Variants in PACRG observed in about 807,000 individuals in gnomAD.
The protein encoded by PACRG is parkin coregulated, also known as parkin coregulated gene protein.
PACRG carries 29 observed loss-of-function variants against 29.7 expected under a neutral mutation model. The ratio of observed to expected loss-of-function variants is 0.98; its 90% CI spans 0.73 to 1.33. The LOEUF (loss-of-function observed/expected upper bound fraction) is 1.33, where lower values mean the gene tolerates loss of function less well. Ranked by LOEUF, PACRG falls within the 40% of genes most tolerant of loss-of-function variation. The pLI, the probability that PACRG is intolerant of heterozygous loss-of-function variation, is 0.00. For missense variants in PACRG, 279 were observed against 316.2 expected, an observed-to-expected ratio of 0.88 and a Z score of 0.89; for synonymous variants, 116 against 118.7, an observed-to-expected ratio of 0.98 and a Z score of 0.15.
intron 2 of PACRG, among the ~76,000 whole-genome samples, chr6:162,838,799 G>C (rs1426999223): frequency 1.5e-5 from 2 of 133,206 alleles, no homozygotes; most frequent in African/African-American, 2.9e-5. Context: ...GTGTCCATGT[G>C]ATCTCATTGT....
chr6:162,989,451 A>G (rs915356099), intron 2 of PACRG, among the ~76,000 whole-genome samples: 1 of 152,188 alleles, frequency 6.6e-6, no homozygotes, highest in East Asian at 1.9e-4. Context: ...CAAGTACCTG[A>G]CATGAAATGA....
At position 163,074,561 on chromosome 6, in the gene PACRG, T is replaced by G. The variant is rs944562378; in HGVS notation, c.463+12240T>G. Among the ~76,000 whole-genome samples, 5 of 152,176 alleles carry G rather than the reference T, an allele frequency of 3.3e-5. No homozygotes were observed. In the East Asian group the frequency reaches 9.6e-4, roughly 29 times the overall value. The stretch of plus-strand genomic sequence containing the variant: ...TTTTAAATAACTAAAAGAGCATAAT[T>G]GGATTATTAGTAACATAAAGAATAA... On this transcript the variant is annotated intron_variant, in intron 3 of 4. Transcript: ENST00000366888.
intron 4 of PACRG, among the ~76,000 whole-genome samples, chr6:163,092,110 T>C (rs947925540): frequency 6.6e-6 from 1 of 152,170 alleles, no homozygotes; most frequent in African/African-American, 2.4e-5. Flanking sequence ...CAGATACAAA[T>C]GACAAAAAAG....
At chr6:162,875,715 T>A (rs1793284384) in intron 2 of PACRG, among the ~76,000 whole-genome samples, 1 of 152,242 alleles carries the variant, frequency 6.6e-6, no homozygotes, top group African/African-American at 2.4e-5. Flanking sequence ...ATTGTGTCCT[T>A]GACTTGGGGT....
At chr6:163,215,970 A>AGG (rs1277215812) in intron 4 of PACRG, among the ~76,000 whole-genome samples, 1 of 152,224 alleles carries the variant, frequency 6.6e-6, no homozygotes, top group Non-Finnish European at 1.5e-5. Flanking sequence ...TGTAAAGTGC[A>AGG]CTGAAGGTCA....
chr6:162,830,509 A>G (rs1435954468), intron 2 of PACRG, among the ~76,000 whole-genome samples: 1 of 152,168 alleles, frequency 6.6e-6, no homozygotes, highest in Non-Finnish European at 1.5e-5. Flanking sequence ...CATCCTTGGC[A>G]CCCATTCTCA....
At chr6:163,215,441 T>C (rs1040975069) in intron 4 of PACRG, among the ~76,000 whole-genome samples, 4 of 152,238 alleles carry the variant, frequency 2.6e-5, no homozygotes, top group Non-Finnish European at 5.9e-5. Flanking sequence ...GGAGTCAATT[T>C]AGTAGATTCC....
chr6:162,740,265 T>C (rs1780474886), intron 1 of PACRG, among the ~76,000 whole-genome samples: 1 of 152,162 alleles, frequency 6.6e-6, no homozygotes. Flanking sequence ...TCCTTGGAGA[T>C]TTTAACTAGA....
At chr6:163,082,083 G>A (rs1391663897) in intron 3 of PACRG, among the ~76,000 whole-genome samples, 1 of 152,102 alleles carries the variant, frequency 6.6e-6, no homozygotes, top group Non-Finnish European at 1.5e-5. Flanking sequence ...GTATATAAAA[G>A]TCATATACTT....
chr6:162,949,082 C>A (rs1157564289), intron 2 of PACRG, among the ~76,000 whole-genome samples: 1 of 152,052 alleles, frequency 6.6e-6, no homozygotes, highest in African/African-American at 2.4e-5. Flanking sequence ...CTCACAACAG[C>A]TATGAATCAG....
At chr6:163,166,889 G>A (rs948431319) in intron 4 of PACRG, among the ~76,000 whole-genome samples, 1 of 152,136 alleles carries the variant, frequency 6.6e-6, no homozygotes, top group African/African-American at 2.4e-5. Flanking sequence ...TGCAAACCTA[G>A]TCCACCGTAA....
intron 2 of PACRG, among the ~76,000 whole-genome samples, chr6:162,914,597 T>G (rs1266275348): frequency 7.3e-6 from 1 of 137,122 alleles, no homozygotes; most frequent in Non-Finnish European, 1.6e-5. Context: ...TGCCCATTTT[T>G]ACCAAAAAAA....
intron 4 of PACRG, among the ~76,000 whole-genome samples, chr6:163,236,838 G>A (rs1782258494): frequency 6.6e-6 from 1 of 152,134 alleles, no homozygotes; most frequent in African/African-American, 2.4e-5. Context: ...GCATGGCTGG[G>A]GAGGCCTCAG....
chr6:162,754,505 C>T lies in PACRG; in HGVS notation c.156+26114C>T, dbSNP rs1781746352. On this transcript the variant is annotated intron_variant, in intron 1 of 4. Transcript: ENST00000366888. ...GTCTATTTTGCTTTTCCTTTTATTG[C>T]CTGTGCTTTTGGAGTTATATCCAAA... Among the ~76,000 whole-genome samples, 3 of 152,066 alleles carry T rather than the reference C, an allele frequency of 2.0e-5. No homozygotes were observed. In the South Asian group the frequency reaches 6.2e-4, roughly 32 times the overall value.
chr6:163,289,848 T>A (rs1416660097), intron 4 of PACRG, among the ~76,000 whole-genome samples: 1 of 151,934 alleles, frequency 6.6e-6, no homozygotes, highest in Admixed American at 6.6e-5. Context: ...TTTTTCTTTT[T>A]TATTTTATTT....
intron 4 of PACRG, among the ~76,000 whole-genome samples, chr6:163,130,077 G>C (rs918815104): frequency 2.6e-5 from 4 of 152,172 alleles, no homozygotes; most frequent in Non-Finnish European, 5.9e-5. Context: ...AGGAGAAATG[G>C]CAAAGGCAAA....
At chr6:162,758,375 G>A (rs192510125) in intron 1 of PACRG, among the ~76,000 whole-genome samples, 18 of 151,100 alleles carry the variant, frequency 1.2e-4, no homozygotes, top group Admixed American at 8.6e-4. Flanking sequence ...ATGAAAGAAC[G>A]GCTCTTTTTC....
chr6:163,179,458 G>A (rs1021384010), intron 4 of PACRG: 1 of 287,934 alleles, frequency 3.5e-6, no homozygotes, highest in African/African-American at 2.2e-5. Flanking sequence ...CCAACACTTT[G>A]GGAGGCTGAT....
chr6:162,950,211 G>A (rs12195828), intron 2 of PACRG, among the ~76,000 whole-genome samples: 46,995 of 151,836 alleles, frequency 0.31, 7,609 homozygotes, highest in Non-Finnish European at 0.36. Context: ...AAAAGTAGTC[G>A]AACAGGCTGG....
Sources: allele counts gnomAD v4.1 joint callset (sites outside exome capture counted in the v4.1 genomes callset), GRCh38; gene constraint gnomAD v4.1.1; transcripts MANE v1.5; gene names NCBI Gene and HGNC (gene_info 2026-07-23, HGNC 2026-07-21).